The following OSBPL5 variants were observed in gnomAD, a reference collection of about 807,000 sequenced individuals.
OSBPL5 encodes oxysterol-binding protein-related protein 5.
OSBPL5 carries 71 observed loss-of-function variants against 111.2 expected under a neutral mutation model. The ratio of observed to expected loss-of-function variants is 0.64; its 90% CI spans 0.53 to 0.78. OSBPL5 has a LOEUF of 0.78. Ranked by LOEUF, OSBPL5 falls within the 30% of genes least tolerant of loss-of-function variation. OSBPL5 has a pLI of 0.00. For synonymous variants in OSBPL5, 549 were observed against 513.9 expected (o/e 1.07, Z -0.93); for missense variants, 1,210 against 1,189.3 (o/e 1.02, Z -0.26).
At chr11:3,144,026 G>A (rs1846243728) in intron 1 of OSBPL5, among the ~76,000 whole-genome samples, 1 of 152,144 alleles carries the variant, frequency 6.6e-6, no homozygotes, top group South Asian at 2.1e-4. Flanking sequence ...GCCTGGCGGG[G>A]GCCAGCTGCT....
chr11:3,114,015 G>A lies in OSBPL5; in HGVS notation c.691+5532C>T, dbSNP rs147491819. Reference sequence around the variant, plus strand: ...TCTAGGTAAATGATTAAAATAATTAGGTAAATGTAATAGGACAAATACTTG... The same window carrying A: ...TCTAGGTAAATGATTAAAATAATTAAGTAAATGTAATAGGACAAATACTTG... On this transcript the variant is annotated intron_variant, in intron 7 of 21. Coordinates refer to ENST00000263650, the MANE Select transcript of OSBPL5 (RefSeq NM_020896.4). Among the ~76,000 whole-genome samples the A allele has an allele frequency of 5.0e-3, 757 of 152,034 alleles. 7 individuals carry two copies. Among genetic ancestry groups the A allele is most frequent in the African/African-American group, 0.017 (702 of 41,482 alleles).
intron 1 of OSBPL5, among the ~76,000 whole-genome samples, chr11:3,143,698 C>T (rs1846228891): frequency 6.6e-6 from 1 of 152,226 alleles, no homozygotes; most frequent in Admixed American, 6.5e-5. Context: ...AGGGCCCGGC[C>T]CGGTTCTGTC....
chr11:3,122,116 G>GC lies in OSBPL5; in HGVS notation c.301-19dup, dbSNP rs1564843790. On this transcript the variant is annotated intron_variant, in intron 4 of 21. Coordinates refer to ENST00000263650, the MANE Select transcript of OSBPL5 (RefSeq NM_020896.4). Reference sequence around the variant, plus strand: ...TTCTGCGCCTGGGCCCGGGGCACCCGCGGTGGGTCATGGGAGAAGGCACCG... The same window carrying GC: ...TTCTGCGCCTGGGCCCGGGGCACCCGCCGGTGGGTCATGGGAGAAGGCACCG... 1 of 1,547,402 alleles carries GC rather than the reference G, an allele frequency of 6.5e-7. No individual in the cohort carries two copies. The highest frequency in any genetic ancestry group is 2.4e-5 in the East Asian group (1 of 41,880).
intron 14 of OSBPL5, among the ~76,000 whole-genome samples, chr11:3,096,629 AGAC>A (rs1203767448): frequency 2.2e-4 from 33 of 150,230 alleles, no homozygotes; most frequent in Admixed American, 1.1e-3. Context: ...AAAAAAAAAA[AGAC>A]AGAAAGAAAG....
intron 3 of OSBPL5, among the ~76,000 whole-genome samples, chr11:3,125,601 C>G (rs1858583595): frequency 6.6e-6 from 1 of 152,156 alleles, no homozygotes; most frequent in African/African-American, 2.4e-5. Flanking sequence ...GTCAGGAGAT[C>G]AAGGCCATCC....
intron 10 of OSBPL5, among the ~76,000 whole-genome samples, 175 bp from the exon 11 acceptor site, chr11:3,103,495 T>C (rs1857528073): frequency 1.3e-5 from 2 of 152,082 alleles, no homozygotes; most frequent in Admixed American, 1.3e-4. Context: ...GGGAAGTGGG[T>C]TCTTCTAATC....
At position 3,103,821 on chromosome 11, in the gene OSBPL5, C is replaced by T. The variant is rs1269656634; in HGVS notation, c.1244+372G>A. ...CTCTGCAGCCCTCTTCCTGCCTGCG[C>T]AGCCCCCTTCCAGCCTCTGCAGCCC... On this transcript the variant is annotated intron_variant, in intron 10 of 21. Transcript: ENST00000263650. Among the ~76,000 whole-genome samples, 182 of 32,338 alleles carry T rather than the reference C, an allele frequency of 5.6e-3. 3 individuals are homozygous for T. The highest frequency in any genetic ancestry group is 0.012 in the Non-Finnish European group (129 of 10,326). The allele number at this position is 32,338 out of a possible 152,430, so 21.2% of individuals were successfully genotyped here.
chr11:3,090,830 G>A, intron 19 of OSBPL5, 134 bp from the exon 20 acceptor site: 1 of 1,186,230 alleles, frequency 8.4e-7, no homozygotes, highest in South Asian at 1.5e-5. Flanking sequence ...GCTGGGCTGT[G>A]GAGCTGGCTG....
At chr11:3,134,807 T>C (rs1168519565) in intron 1 of OSBPL5, among the ~76,000 whole-genome samples, 1 of 32,114 alleles carries the variant, frequency 3.1e-5, no homozygotes, top group African/African-American at 1.0e-4. Flanking sequence ...GGGGGTGGGG[T>C]GGGGGTGATC....
chr11:3,153,682 C>T lies in OSBPL5; in HGVS notation c.-22+11534G>A, dbSNP rs111937539. On this transcript the variant is annotated intron_variant, in intron 1 of 21. Transcript: ENST00000263650. Reference sequence around the variant, plus strand: ...CACAGTTTAAAAATAATGAACAGGGCGGGAGGACAGTTATTCCTGAGGTCA... The same window carrying T: ...CACAGTTTAAAAATAATGAACAGGGTGGGAGGACAGTTATTCCTGAGGTCA... 7.0e-3 allele frequency among the ~76,000 whole-genome samples: 1,058 copies of T among 152,140 alleles called. 17 individuals are homozygous for T. The highest frequency in any genetic ancestry group is 0.024 in the African/African-American group (980 of 41,486).
intron 1 of OSBPL5, among the ~76,000 whole-genome samples, chr11:3,150,189 G>A (rs753737258): frequency 2.0e-4 from 31 of 152,202 alleles, no homozygotes; most frequent in Non-Finnish European, 3.4e-4. Flanking sequence ...GCTAAGGACT[G>A]CATGCCTGAG....
At chr11:3,116,851 TCAC>T (rs1858228486) in intron 7 of OSBPL5, among the ~76,000 whole-genome samples, 1 of 69,370 alleles carries the variant, frequency 1.4e-5, no homozygotes. Flanking sequence ...TGAGACTCCA[TCAC>T]AAAAAAAAAA....
In OSBPL5 at chr11:3,154,916, A is replaced by C. The variant is rs1284942066; in HGVS notation, c.-22+10300T>G. On this transcript the variant is annotated intron_variant, in intron 1 of 21. Transcript: ENST00000263650. The surrounding 1 kb of genome is among the most constrained non-coding windows in gnomAD (Gnocchi z 4.9). ...TGTACCCTAGAACTTAAAGTATAAT[A>C]ATAATAATAATAATAAAAAGAGCCC... 1.4e-5 allele frequency among the ~76,000 whole-genome samples: 2 copies of C among 147,392 alleles called. No individual in the cohort carries two copies. The highest frequency in any genetic ancestry group is 2.9e-5 in the Non-Finnish European group (2 of 67,980).
chr11:3,163,779 G>A (rs1293715894), intron 1 of OSBPL5, among the ~76,000 whole-genome samples: 7 of 152,168 alleles, frequency 4.6e-5, no homozygotes, highest in African/African-American at 1.2e-4. Flanking sequence ...ACAGACACAC[G>A]CGGTGCCTGC....
chr11:3,133,442 G>A (rs989684359), intron 1 of OSBPL5, among the ~76,000 whole-genome samples: 9 of 152,358 alleles, frequency 5.9e-5, no homozygotes, highest in African/African-American at 1.4e-4. Context: ...GGGAAGCCCC[G>A]GGCCACGCTC....
At position 3,113,695 on chromosome 11, in the gene OSBPL5, C is replaced by T. The variant is rs1858093888; in HGVS notation, c.692-5750G>A. The stretch of plus-strand genomic sequence containing the variant: ...TATATTGGTTTAATAAAAATAGCTA[C>T]ATCTTAAATTTAGTAAGATTACCAT... On this transcript the variant is annotated intron_variant, in intron 7 of 21. Coordinates refer to ENST00000263650, the MANE Select transcript of OSBPL5 (RefSeq NM_020896.4). This position sits in a 1 kb window ranked among gnomAD's most constrained non-coding sequence, Gnocchi z 4.8. 2.0e-5 allele frequency among the ~76,000 whole-genome samples: 3 copies of T among 152,122 alleles called. No homozygotes were observed. The highest frequency in any genetic ancestry group is 7.2e-5 in the African/African-American group (3 of 41,420).
At position 3,088,007 on chromosome 11, in the gene OSBPL5, A is replaced by C; in HGVS notation, c.*198T>G. 2.1e-6 allele frequency: 1 copy of C among 474,144 alleles called. No homozygotes were observed. 29.4% of individuals were successfully genotyped at this position (474,144 alleles called of 1,614,324 possible). ...CAGCGCTGGGCGGAAGGCCCTGCAGAGAGGCCAGTGCCCCTGAGAGGGGCC... is the reference window on the plus strand; with the variant it reads ...CAGCGCTGGGCGGAAGGCCCTGCAGCGAGGCCAGTGCCCCTGAGAGGGGCC... On this transcript the variant is annotated 3_prime_UTR_variant, in exon 22 of 22. Transcript: ENST00000263650.
rs113073565 is a variant in OSBPL5, at chr11:3,151,547, C to T, written c.-22+13669G>A. Among the ~76,000 whole-genome samples the T allele has an allele frequency of 3.2e-3, 489 of 152,312 alleles. 6 individuals are homozygous for T. Among genetic ancestry groups the T allele is most frequent in the African/African-American group, 0.011 (461 of 41,564 alleles). On this transcript the variant is annotated intron_variant, in intron 1 of 21. Transcript: ENST00000263650. ...ACTCCCCATGTGCTGGGGGTGCATC[C>T]AAACCGACCCCTGCCCTTTTTCCCA...
At chr11:3,114,431 A>G (rs2134443310) in intron 7 of OSBPL5, among the ~76,000 whole-genome samples, 1 of 152,168 alleles carries the variant, frequency 6.6e-6, no homozygotes, top group East Asian at 1.9e-4. Flanking sequence ...CAAGCGTGGC[A>G]TGAATGGTCT....
Sources: gnomAD v4.1 joint callset for allele counts (sites outside exome capture counted in the v4.1 genomes callset) on GRCh38, gnomAD v4.1.1 for gene constraint, Gnocchi (gnomAD v3.1) non-coding constraint, MANE v1.5 for transcripts, NCBI Gene and HGNC (gene_info 2026-07-23, HGNC 2026-07-21) for gene names.